SYT10: variants seen among roughly 807,000 people sequenced by gnomAD.
The protein encoded by SYT10 is synaptotagmin-10.
Under a neutral mutation model 51.1 loss-of-function variants are expected in SYT10, and 31 were observed. The observed-to-expected ratio is 0.61, with a 90% confidence interval of 0.46 to 0.82. The LOEUF (loss-of-function observed/expected upper bound fraction) is 0.82, where lower values mean the gene tolerates loss of function less well. Among genes scored for constraint, SYT10 ranks in the 40% least tolerant of loss-of-function variants. The pLI is 0.00. For synonymous variants in SYT10, 233 were observed against 225.9 expected (o/e 1.03, Z -0.28); for missense variants, 603 against 634.0 (o/e 0.95, Z 0.53).
At chr12:33,432,702 T>G (rs1204991236) in intron 1 of SYT10, 4 of 152,110 alleles carry the variant, frequency 2.6e-5, no homozygotes, top group Non-Finnish European at 5.9e-5. Flanking sequence ...CTTGTTTAAT[T>G]AAGACAATAT....
intron 2 of SYT10, among the ~76,000 whole-genome samples, chr12:33,421,458 A>T (rs1866504154): frequency 6.6e-6 from 1 of 152,158 alleles, no homozygotes; most frequent in Non-Finnish European, 1.5e-5. Flanking sequence ...ATTCAAAGAA[A>T]ATTGGTTCTC....
intron 1 of SYT10, among the ~76,000 whole-genome samples, chr12:33,429,993 A>G (rs1377772144): frequency 6.6e-6 from 1 of 152,204 alleles, no homozygotes; most frequent in Admixed American, 6.5e-5. Context: ...TAGGCTCTCT[A>G]GCTCTAATTT....
chr12:33,427,948 T>C (rs1866566241), intron 1 of SYT10, among the ~76,000 whole-genome samples: 2 of 152,312 alleles, frequency 1.3e-5, no homozygotes, highest in South Asian at 4.1e-4. Context: ...AATCAAGGTG[T>C]TGAAATGAAA....
chr12:33,400,622 TG>T (rs1170602864), intron 3 of SYT10, among the ~76,000 whole-genome samples: 1 of 152,050 alleles, frequency 6.6e-6, no homozygotes, highest in Non-Finnish European at 1.5e-5. Context: ...TAAATACATA[TG>T]CAAATGAAGG....
chr12:33,379,384 G>A (rs765942581), intron 6 of SYT10, among the ~76,000 whole-genome samples: 22 of 151,760 alleles, frequency 1.4e-4, no homozygotes, highest in Non-Finnish European at 2.6e-4. Flanking sequence ...TTCCCCTTAC[G>A]CAGAAAAGTT....
Position 33,439,241 on chromosome 12 carries a change from C to G in SYT10, c.151+131G>C, listed in dbSNP as rs114894867. ...GTCAGGAGCTGAGCGAAGGAAGGAG[C>G]GAGGTAGGAAAGCGTGGCGCCCCAA... On this transcript the variant is annotated intron_variant, in intron 1 of 6. Coordinates refer to ENST00000228567, the MANE Select transcript of SYT10 (RefSeq NM_198992.4). 209 of 1,187,446 alleles carry G rather than the reference C, an allele frequency of 1.8e-4. No individual in the cohort carries two copies. In the African/African-American group the frequency reaches 2.8e-3, roughly 16 times the overall value. 73.6% of individuals were successfully genotyped at this position (1,187,446 alleles called of 1,614,324 possible).
intron 1 of SYT10, among the ~76,000 whole-genome samples, chr12:33,430,653 C>T (rs777672337): frequency 3.3e-5 from 5 of 151,840 alleles, no homozygotes; most frequent in Admixed American, 2.6e-4. Flanking sequence ...ACAAAATGTA[C>T]AAAAATGTGA....
intron 1 of SYT10, among the ~76,000 whole-genome samples, chr12:33,429,110 G>A (rs1866576909): frequency 6.6e-6 from 1 of 152,148 alleles, no homozygotes; most frequent in Non-Finnish European, 1.5e-5. Flanking sequence ...GACAAGAATG[G>A]ATAGGCAATT....
At position 33,407,082 on chromosome 12, in the gene SYT10, C is replaced by A. The variant is rs760906718; in HGVS notation, c.784G>T (p.Asp262Tyr). 6.2e-7 allele frequency: 1 copy of A among 1,614,036 alleles called. No individual in the cohort carries two copies. Among genetic ancestry groups the A allele is most frequent in the Non-Finnish European group, 8.5e-7 (1 of 1,180,006 alleles). Residue 262 changes from aspartate to tyrosine, a missense_variant, in exon 3 of 7, where the codon GAC (aspartate) becomes TAC (tyrosine). Transcript: ENST00000228567. ...TAAGGGTCAGAAGTTCCTGTGAAGT[C>A]TTTAGCAGGGAGATCTAAAGCTTTG... is the stretch of plus-strand genomic sequence containing the variant. The part of the protein sequence containing the change: ...IIKALDLPAK[D>Y]FTGTSDPYVK...
At position 33,376,296 on chromosome 12, in the gene SYT10, G is replaced by C. The variant is rs977037450; in HGVS notation, c.*534C>G. On this transcript the variant is annotated 3_prime_UTR_variant, in exon 7 of 7. Coordinates refer to ENST00000228567, the MANE Select transcript of SYT10 (RefSeq NM_198992.4). ...AGCAGAGCCAAACCTCACCAAGAAA[G>C]TAATTTTCTGAGAATGAAAGAAAAG... 5.9e-5 allele frequency: 9 copies of C among 152,230 alleles called. No individual in the cohort carries two copies. Among genetic ancestry groups the C allele is most frequent in the African/African-American group, 2.2e-4 (9 of 41,438 alleles). The allele number at this position is 152,230 out of a possible 1,614,324, so 9.4% of individuals were successfully genotyped here.
chr12:33,406,123 T>C (rs1173399230), intron 3 of SYT10, among the ~76,000 whole-genome samples: 2 of 152,120 alleles, frequency 1.3e-5, no homozygotes, highest in African/African-American at 4.8e-5. Flanking sequence ...TAGATTATTT[T>C]AATTTTATGC....
chr12:33,404,107 T>C (rs1265757026), intron 3 of SYT10, among the ~76,000 whole-genome samples: 2 of 152,212 alleles, frequency 1.3e-5, no homozygotes, highest in Non-Finnish European at 2.9e-5. Flanking sequence ...GGAATAAAGG[T>C]AGCCCCAAAG....
Position 33,402,353 on chromosome 12 carries a change from G to GT in SYT10, c.1077+4435dup, listed in dbSNP as rs1866314075. On this transcript the variant is annotated intron_variant, in intron 3 of 6. Coordinates refer to ENST00000228567, the MANE Select transcript of SYT10 (RefSeq NM_198992.4). Reference sequence around the variant, plus strand: ...TAATTTATTTCCTTTTCCTCATGCTGTTTTTTTCTTCAAGAATCATCCAAC... The same window carrying GT: ...TAATTTATTTCCTTTTCCTCATGCTGTTTTTTTTCTTCAAGAATCATCCAAC... 1.3e-5 allele frequency among the ~76,000 whole-genome samples: 2 copies of GT among 151,862 alleles called. 1 individual carries two copies. Among genetic ancestry groups the GT allele is most frequent in the Non-Finnish European group, 2.9e-5 (2 of 67,966 alleles).
intron 1 of SYT10, among the ~76,000 whole-genome samples, chr12:33,437,852 G>C (rs7138393): frequency 0.56 from 85,326 of 151,764 alleles, 25,132 homozygotes; most frequent in East Asian, 0.89. Flanking sequence ...TGCTCACACA[G>C]TGCCTTCCAC....
intron 1 of SYT10, among the ~76,000 whole-genome samples, chr12:33,430,715 G>T (rs1402562828): frequency 6.6e-6 from 1 of 152,044 alleles, no homozygotes; most frequent in Admixed American, 6.6e-5. Context: ...GGTATTCCAA[G>T]CCCTTTGTTT....
At chr12:33,416,088 T>C (rs1866450889) in intron 2 of SYT10, among the ~76,000 whole-genome samples, 1 of 120,272 alleles carries the variant, frequency 8.3e-6, no homozygotes, top group Admixed American at 9.3e-5. Flanking sequence ...TCTCTTTTAT[T>C]TGTTGTTGTT....
intron 2 of SYT10, among the ~76,000 whole-genome samples, chr12:33,411,258 A>G (rs1313732182): frequency 6.6e-6 from 1 of 152,038 alleles, no homozygotes; most frequent in Non-Finnish European, 1.5e-5. Context: ...ATATGCTTTT[A>G]TATGTTTTCC....
At position 33,407,127 on chromosome 12, in the gene SYT10, G is replaced by GT; in HGVS notation, c.738dup (p.Leu247ThrfsTer5). ...GCTTTGATAATTTTAACAACTAGAA[G>GT]TTCATTTTCATAATCATACTGGAGG... is the stretch of plus-strand genomic sequence containing the variant. On this transcript the variant is annotated frameshift_variant, in exon 3 of 7. Coordinates refer to ENST00000228567, the MANE Select transcript of SYT10 (RefSeq NM_198992.4). LOFTEE classifies it high-confidence loss of function. The GT allele has an allele frequency of 6.2e-7, 1 of 1,613,708 alleles. No homozygotes were observed. The highest frequency in any genetic ancestry group is 8.5e-7 in the Non-Finnish European group (1 of 1,179,912).
intron 3 of SYT10, among the ~76,000 whole-genome samples, chr12:33,403,871 A>G (rs1866328623): frequency 6.6e-6 from 1 of 152,178 alleles, no homozygotes; most frequent in Admixed American, 6.5e-5. Flanking sequence ...TTAATTAAAT[A>G]CTACTCTAAC....
Sources: gnomAD v4.1 joint callset for allele counts (sites outside exome capture counted in the v4.1 genomes callset) on GRCh38, gnomAD v4.1.1 for gene constraint, MANE v1.5 for transcripts, NCBI Gene and HGNC (gene_info 2026-07-23, HGNC 2026-07-21) for gene names.